The following ITSN1 variants were observed in gnomAD, a reference collection of about 807,000 sequenced individuals.
ITSN1 encodes the protein intersectin-1.
In ITSN1, 58 loss-of-function variants were observed where a neutral mutation model predicts 239.8. That is an observed-to-expected ratio of 0.24 (90% CI 0.20 to 0.30). The LOEUF is 0.30. ITSN1 is among the 10% of genes least tolerant of loss of function. The pLI, the probability that ITSN1 is intolerant of heterozygous loss-of-function variation, is 1.00. For synonymous variants in ITSN1, 780 were observed against 770.8 expected (o/e 1.01, Z -0.20); for missense variants, 1,558 against 2,103.3 (o/e 0.74, Z 5.07).
At chr21:33,799,155 T>C (rs1371906883) in intron 18 of ITSN1, among the ~76,000 whole-genome samples, 2 of 152,334 alleles carry the variant, frequency 1.3e-5, no homozygotes, top group Non-Finnish European at 1.5e-5. Context: ...CAAAATATCC[T>C]CCGCTCATGT....
intron 4 of ITSN1, among the ~76,000 whole-genome samples, chr21:33,733,619 C>CA (rs11436958): frequency 1 from 152,267 of 152,268 alleles, 76,133 homozygotes; most frequent in Non-Finnish European, 1. Flanking sequence ...AAACTAACAA[C>CA]AAAAGACATG....
At chr21:33,803,213 T>A (rs1028030647) in intron 20 of ITSN1, among the ~76,000 whole-genome samples, 1 of 152,216 alleles carries the variant, frequency 6.6e-6, no homozygotes, top group Admixed American at 6.5e-5. Context: ...TAATATACAT[T>A]GTTAGCATGG....
At chr21:33,674,628 A>C (rs1320400531) in intron 1 of ITSN1, among the ~76,000 whole-genome samples, 1 of 152,220 alleles carries the variant, frequency 6.6e-6, no homozygotes, top group Non-Finnish European at 1.5e-5. Context: ...GGCACCTGAA[A>C]AGAAGGAAAA....
At chr21:33,847,535 A>G (rs530118590) in intron 29 of ITSN1, among the ~76,000 whole-genome samples, 1 of 152,324 alleles carries the variant, frequency 6.6e-6, no homozygotes, top group Non-Finnish European at 1.5e-5. Flanking sequence ...CTGCTGTTCC[A>G]TTCATAAGAT....
chr21:33,780,810 G>C (rs1045429204), intron 14 of ITSN1, among the ~76,000 whole-genome samples: 1 of 152,150 alleles, frequency 6.6e-6, no homozygotes, highest in Non-Finnish European at 1.5e-5. Flanking sequence ...AGCAGATACT[G>C]TTCTTGGCAA....
At chr21:33,842,645 A>G (rs2074863992) in intron 29 of ITSN1, among the ~76,000 whole-genome samples, 1 of 152,194 alleles carries the variant, frequency 6.6e-6, no homozygotes, top group Non-Finnish European at 1.5e-5. Flanking sequence ...ATACCGCTGT[A>G]TAGAAGATTC....
At chr21:33,819,455 G>C (rs2073509198) in intron 24 of ITSN1, 132 bp downstream of exon 24, 1 of 558,772 alleles carries the variant, frequency 1.8e-6, no homozygotes, top group African/African-American at 1.9e-5. Flanking sequence ...TAAAATGTAA[G>C]TTTAGCTCTT....
chr21:33,877,999 T>C (rs1258997300), intron 34 of ITSN1, among the ~76,000 whole-genome samples: 1 of 145,402 alleles, frequency 6.9e-6, no homozygotes, highest in Admixed American at 6.8e-5. Flanking sequence ...TTTCTCTTTC[T>C]CTCTCTCTTT....
intron 19 of ITSN1, 112 bp downstream of exon 19, chr21:33,800,041 T>A: frequency 9.6e-7 from 1 of 1,044,794 alleles, no homozygotes. Context: ...AACCCAATAA[T>A]CCAGCATCTA....
At chr21:33,697,000 A>C (rs1342417913) in intron 1 of ITSN1, among the ~76,000 whole-genome samples, 1 of 151,754 alleles carries the variant, frequency 6.6e-6, no homozygotes, top group African/African-American at 2.4e-5. Flanking sequence ...AGTTTATTTT[A>C]ATGTTTTCCT....
chr21:33,885,945 A>C lies in ITSN1; in HGVS notation c.4844-342A>C, dbSNP rs371233271. On this transcript the variant is annotated intron_variant, in intron 38 of 39. Coordinates refer to ENST00000381318, the MANE Select transcript of ITSN1 (RefSeq NM_003024.3). ...GGAGCGGCCGGGCATGGTGGCTCACACCTGTAATCCCAGTGCTTTGGGAGG... is the reference window on the plus strand; with the variant it reads ...GGAGCGGCCGGGCATGGTGGCTCACCCCTGTAATCCCAGTGCTTTGGGAGG... Among the ~76,000 whole-genome samples the C allele has an allele frequency of 2.7e-5, 4 of 150,396 alleles. No individual in the cohort carries two copies. In the East Asian group the frequency reaches 7.7e-4, roughly 29 times the overall value.
intron 4 of ITSN1, 126 bp from the exon 5 acceptor site, chr21:33,734,918 G>A: frequency 1.3e-5 from 9 of 684,130 alleles, no homozygotes; most frequent in Non-Finnish European, 2.1e-5. Context: ...AAACAGTTAT[G>A]TTTTCTGTTG....
intron 11 of ITSN1, 73 bp from the exon 12 acceptor site, chr21:33,771,988 T>C: frequency 6.5e-7 from 1 of 1,531,518 alleles, no homozygotes; most frequent in African/African-American, 1.4e-5. Flanking sequence ...TCAAATACAT[T>C]GGTGAGTTTT....
Position 33,734,491 on chromosome 21 carries a change from T to C in ITSN1, c.186-553T>C, listed in dbSNP as rs182588602. ...CTTTAGAGGTTTAGTAGCATTATAG[T>C]TGAGTAACCCTAGCATAGCATAAGT... On this transcript the variant is annotated intron_variant, in intron 4 of 39. Coordinates refer to ENST00000381318, the MANE Select transcript of ITSN1 (RefSeq NM_003024.3). Among the ~76,000 whole-genome samples, 967 of 152,300 alleles carry C rather than the reference T, an allele frequency of 6.3e-3. 44 individuals carry two copies. The highest frequency in any genetic ancestry group is 0.058 in the Admixed American group (888 of 15,280).
chr21:33,780,876 G>T (rs1387726051), intron 14 of ITSN1, among the ~76,000 whole-genome samples: 1 of 152,104 alleles, frequency 6.6e-6, no homozygotes, highest in Admixed American at 6.5e-5. Flanking sequence ...TTTTTCTTGT[G>T]TCAGTTAAAA....
At chr21:33,848,223 T>C (rs1177149097) in intron 29 of ITSN1, among the ~76,000 whole-genome samples, 1 of 152,204 alleles carries the variant, frequency 6.6e-6, no homozygotes, top group Non-Finnish European at 1.5e-5. Flanking sequence ...AAAGAGGTGA[T>C]GAAGTGAACA....
chr21:33,829,442 G>C, intron 26 of ITSN1, 182 bp from the exon 27 acceptor site: 1 of 636,640 alleles, frequency 1.6e-6, no homozygotes, highest in Non-Finnish European at 2.8e-6. Context: ...CTTGAATGCC[G>C]TGTCTGCCTG....
rs77826432 is a variant in ITSN1 at position 33,675,675 on chromosome 21, A to G, written c.-33+32962A>G. On this transcript the variant is annotated intron_variant, in intron 1 of 39. Transcript: ENST00000381318. The stretch of plus-strand genomic sequence containing the variant: ...GCTGTGTGCCTGTACCCAGACCCCA[A>G]GTCTATGCTCATTGCCGGTTTAATA... Among the ~76,000 whole-genome samples, 321 of 152,362 alleles carry G rather than the reference A, an allele frequency of 2.1e-3. 1 individual carries two copies. The highest frequency in any genetic ancestry group is 7.4e-3 in the African/African-American group (307 of 41,590).
chr21:33,877,940 G>A lies in ITSN1; in HGVS notation c.4341+2419G>A, dbSNP rs1433530111. 2.0e-5 allele frequency among the ~76,000 whole-genome samples: 3 copies of A among 149,554 alleles called. No homozygotes were observed. The East Asian group carries it at 5.9e-4, about 29-fold the overall frequency. ...GTTTTTGTTGGGTGAGTCATTCTGA[G>A]TATCTAGTCCACTCTACTTCCAGCA... On this transcript the variant is annotated intron_variant, in intron 34 of 39. Coordinates refer to ENST00000381318, the MANE Select transcript of ITSN1 (RefSeq NM_003024.3).
Sources: allele counts gnomAD v4.1 joint callset (sites outside exome capture counted in the v4.1 genomes callset), GRCh38; gene constraint gnomAD v4.1.1; transcripts MANE v1.5; gene names NCBI Gene and HGNC (gene_info 2026-07-23, HGNC 2026-07-21).